HHAT: variants seen among roughly 807,000 people sequenced by gnomAD.
HHAT encodes protein-cysteine N-palmitoyltransferase HHAT.
In HHAT, 47 loss-of-function variants were observed where a neutral mutation model predicts 70.8. The observed-to-expected ratio is 0.66, with a 90% confidence interval of 0.53 to 0.85. HHAT has a LOEUF of 0.85. Among genes scored for constraint, HHAT ranks in the 40% least tolerant of loss-of-function variants. The pLI, the probability that HHAT is intolerant of heterozygous loss-of-function variation, is 0.00. For missense variants in HHAT, 609 were observed against 604.8 expected (o/e 1.01, Z -0.07); for synonymous variants, 228 against 247.6 (o/e 0.92, Z 0.74).
chr1:210,429,504 G>A (rs983181270), intron 7 of HHAT, among the ~76,000 whole-genome samples: 12 of 151,736 alleles, frequency 7.9e-5, no homozygotes, highest in South Asian at 2.1e-4. Flanking sequence ...TTAAAATTGC[G>A]TTATTCTTAA....
intron 8 of HHAT, among the ~76,000 whole-genome samples, chr1:210,482,127 G>A (rs1380608943): frequency 6.6e-6 from 1 of 152,168 alleles, no homozygotes; most frequent in African/African-American, 2.4e-5. Context: ...CTGTGTTGAG[G>A]CAGAAGCAGT....
chr1:210,554,217 C>A (rs2095552977), intron 9 of HHAT, among the ~76,000 whole-genome samples: 2 of 152,166 alleles, frequency 1.3e-5, no homozygotes, highest in Admixed American at 1.3e-4. Flanking sequence ...TTGTTCACTG[C>A]TGCATCCTCA....
At chr1:210,517,964 A>C (rs2095087402) in intron 9 of HHAT, among the ~76,000 whole-genome samples, 1 of 152,216 alleles carries the variant, frequency 6.6e-6, no homozygotes, top group South Asian at 2.1e-4. Context: ...ATGACTTTAA[A>C]AAAAATTGAC....
chr1:210,395,123 T>C (rs1484338455), intron 4 of HHAT, among the ~76,000 whole-genome samples: 3 of 152,140 alleles, frequency 2.0e-5, no homozygotes, highest in Non-Finnish European at 4.4e-5. Context: ...AATGCTCCCA[T>C]TGAGTGGTTT....
At chr1:210,666,651 T>G (rs1476982024) in intron 11 of HHAT, among the ~76,000 whole-genome samples, 3 of 152,128 alleles carry the variant, frequency 2.0e-5, no homozygotes, top group Admixed American at 6.5e-5. Flanking sequence ...GCCCTGCTAA[T>G]TTTTGTATTT....
At chr1:210,350,151 G>T (rs2086887768) in intron 2 of HHAT, among the ~76,000 whole-genome samples, 1 of 152,172 alleles carries the variant, frequency 6.6e-6, no homozygotes, top group Admixed American at 6.5e-5. Flanking sequence ...TTGCCTGTCT[G>T]TATAAACTTT....
chr1:210,424,506 G>T (rs1345572122), intron 7 of HHAT, among the ~76,000 whole-genome samples: 2 of 135,494 alleles, frequency 1.5e-5, no homozygotes, highest in East Asian at 4.3e-4. Context: ...TGTGCCATGG[G>T]TTTTTTTTTT....
At chr1:210,370,335 T>C (rs1350523429) in intron 3 of HHAT, among the ~76,000 whole-genome samples, 9 of 150,970 alleles carry the variant, frequency 6.0e-5, no homozygotes, top group Non-Finnish European at 8.9e-5. Flanking sequence ...TCACCATGCC[T>C]GGCTAATTTT....
At chr1:210,638,879 TGGGTGA>T (rs1672444105) in intron 11 of HHAT, among the ~76,000 whole-genome samples, 1 of 152,020 alleles carries the variant, frequency 6.6e-6, no homozygotes, top group Non-Finnish European at 1.5e-5. Context: ...CACCCCAGCC[TGGGTGA>T]CAGAGTGAGA....
chr1:210,667,034 T>A (rs528830119), intron 11 of HHAT, among the ~76,000 whole-genome samples: 1 of 150,444 alleles, frequency 6.6e-6, no homozygotes, highest in Non-Finnish European at 1.5e-5. Context: ...GAGCCGAGAT[T>A]GCACCACTGC....
chr1:210,416,559 T>G (rs2092727139), intron 6 of HHAT, among the ~76,000 whole-genome samples: 2 of 152,248 alleles, frequency 1.3e-5, no homozygotes, highest in African/African-American at 2.4e-5. Flanking sequence ...AATCTATGTG[T>G]TTTAAGTTAC....
At chr1:210,645,636 C>T (rs75084949) in intron 11 of HHAT, among the ~76,000 whole-genome samples, 3,813 of 152,278 alleles carry the variant, frequency 0.025, 65 homozygotes, top group African/African-American at 0.032. Context: ...GTTCGCACTG[C>T]GAGGTGTATG....
At chr1:210,652,751 T>C (rs1675431595) in intron 11 of HHAT, among the ~76,000 whole-genome samples, 1 of 152,140 alleles carries the variant, frequency 6.6e-6, no homozygotes. Context: ...AATGCAAATG[T>C]CTCTGAAGCA....
intron 9 of HHAT, among the ~76,000 whole-genome samples, chr1:210,586,055 G>A (rs1007825244): frequency 6.6e-6 from 1 of 152,176 alleles, no homozygotes; most frequent in African/African-American, 2.4e-5. Flanking sequence ...GTCAAGGAGA[G>A]AGTCTTTGTC....
At chr1:210,639,080 G>A (rs980938094) in intron 11 of HHAT, among the ~76,000 whole-genome samples, 9 of 152,032 alleles carry the variant, frequency 5.9e-5, no homozygotes, top group East Asian at 5.8e-4. Flanking sequence ...TAATTGATCC[G>A]ATATGGCCCT....
chr1:210,438,798 A>G (rs1221366450), intron 7 of HHAT, among the ~76,000 whole-genome samples: 1 of 151,958 alleles, frequency 6.6e-6, no homozygotes, highest in East Asian at 1.9e-4. Flanking sequence ...TGAGCACTTA[A>G]TCTGTGCCAA....
At chr1:210,414,696 A>G (rs11119486) in intron 6 of HHAT, among the ~76,000 whole-genome samples, 84,111 of 151,774 alleles carry the variant, frequency 0.55, 23,350 homozygotes, top group Admixed American at 0.62. Flanking sequence ...ACATTGTAAG[A>G]TCACATTACT....
At chr1:210,474,818 A>G (rs560899758) in intron 8 of HHAT, among the ~76,000 whole-genome samples, 3 of 139,346 alleles carry the variant, frequency 2.2e-5, no homozygotes, top group South Asian at 4.4e-4. Flanking sequence ...GCCTCACCTC[A>G]GGTGTTTTTT....
intron 10 of HHAT, among the ~76,000 whole-genome samples, chr1:210,595,951 G>A (rs1341631071): frequency 1.3e-5 from 2 of 152,072 alleles, no homozygotes; most frequent in Non-Finnish European, 2.9e-5. Flanking sequence ...TTCTTTTGCT[G>A]TGCAGAAGCT....
Sources: gnomAD v4.1 joint callset for allele counts (sites outside exome capture counted in the v4.1 genomes callset) on GRCh38, gnomAD v4.1.1 for gene constraint, MANE v1.5 for transcripts, NCBI Gene and HGNC (gene_info 2026-07-23, HGNC 2026-07-21) for gene names.